NAV3: variants seen among roughly 807,000 people sequenced by gnomAD.
The protein encoded by NAV3 is neuron navigator 3.
In NAV3, 87 loss-of-function variants were observed where a neutral mutation model predicts 244.7. That is an observed-to-expected ratio of 0.36 (90% CI 0.30 to 0.42). The LOEUF (loss-of-function observed/expected upper bound fraction) is 0.42. NAV3 is among the 20% of genes least tolerant of loss of function. NAV3 has a pLI of 1.00. For missense variants in NAV3, 2,663 were observed against 2,893.3 expected, an observed-to-expected ratio of 0.92 and a Z score of 1.83; for synonymous variants, 1,126 against 1,042.2, an observed-to-expected ratio of 1.08 and a Z score of -1.55.
Position 77,831,221 on chromosome 12 carries a change from G to GAGAGAGAGAGAA in NAV3, c.-230_-229insAAGAGAGAGAGA. ...AGAGAGAGAGAGAGAGAGAGAGAAA[G>GAGAGAGAGAGAA]AGAGAGAGAGAGAGAATGAGAATGA... On this transcript the variant is annotated 5_prime_UTR_variant, in exon 1 of 40. Coordinates refer to ENST00000397909, the MANE Select transcript of NAV3 (RefSeq NM_001024383.2). The GAGAGAGAGAGAA allele has an allele frequency of 1.3e-5, 3 of 234,304 alleles. No homozygotes were observed. The highest frequency in any genetic ancestry group is 6.9e-5 in the African/African-American group (3 of 43,558). 14.5% of individuals were successfully genotyped at this position (234,304 alleles called of 1,614,324 possible).
At chr12:77,977,361 CAT>C (rs1241974799) in intron 5 of NAV3, among the ~76,000 whole-genome samples, 1 of 152,078 alleles carries the variant, frequency 6.6e-6, no homozygotes, top group Non-Finnish European at 1.5e-5. Flanking sequence ...GTGTTACTAA[CAT>C]AGTTACACTC....
At chr12:78,078,480 C>T (rs976931025) in intron 12 of NAV3, among the ~76,000 whole-genome samples, 1 of 144,028 alleles carries the variant, frequency 6.9e-6, no homozygotes, top group South Asian at 2.2e-4. Context: ...ACCGCAAGCT[C>T]CGCCTCCCGG....
At chr12:77,788,464 G>A (rs1871011676) in intron 2 of NAV3, among the ~76,000 whole-genome samples, 1 of 152,058 alleles carries the variant, frequency 6.6e-6, no homozygotes, top group African/African-American at 2.4e-5. Flanking sequence ...TAACCTCTCT[G>A]CACTCCTGTG....
At chr12:77,673,572 A>T (rs973447501) in intron 2 of NAV3, among the ~76,000 whole-genome samples, 1 of 151,936 alleles carries the variant, frequency 6.6e-6, no homozygotes, top group Admixed American at 6.6e-5. Flanking sequence ...TTTTTTGAAC[A>T]CTCCTCCAAG....
At position 78,118,130 on chromosome 12, in the gene NAV3, G is replaced by T. The variant is rs759686305; in HGVS notation, c.2873G>T (p.Gly958Val). ...EEDFDSHGDA[G>V]GKWKTVSSGL... Reference sequence around the variant, plus strand: ...GATTTTGACAGCCATGGGGATGCTGGTGGCAAGTGGAAGACTGTGTCCTCT... The same window carrying T: ...GATTTTGACAGCCATGGGGATGCTGTTGGCAAGTGGAAGACTGTGTCCTCT... The change falls in exon 14 of 40, where the codon GGT becomes GTT. Residue 958 changes from glycine to valine, a missense_variant. By Grantham distance (109) the Gly-to-Val change is moderately radical. Transcript: ENST00000397909. The T allele has an allele frequency of 2.5e-6, 4 of 1,614,056 alleles. No homozygotes were observed. The highest frequency in any genetic ancestry group is 2.5e-6 in the Non-Finnish European group (3 of 1,180,008).
intron 15 of NAV3, among the ~76,000 whole-genome samples, chr12:78,120,666 T>A (rs1164586174): frequency 6.6e-6 from 1 of 152,172 alleles, no homozygotes; most frequent in Non-Finnish European, 1.5e-5. Context: ...TCACTGTTTT[T>A]AAATACCCAT....
At chr12:78,119,983 G>T in intron 15 of NAV3, 38 bp downstream of exon 15, 7 of 1,538,652 alleles carry the variant, frequency 4.5e-6, no homozygotes, top group Non-Finnish European at 5.3e-6. Context: ...AAATATAAAG[G>T]ATAAATATGT....
intron 2 of NAV3, among the ~76,000 whole-genome samples, chr12:77,806,863 A>G (rs899026992): frequency 1.3e-5 from 2 of 152,176 alleles, no homozygotes; most frequent in African/African-American, 4.8e-5. Context: ...TATTGGATGC[A>G]TATATATTTA....
chr12:78,107,538 C>T (rs894943087), intron 12 of NAV3, among the ~76,000 whole-genome samples: 4 of 151,892 alleles, frequency 2.6e-5, no homozygotes, highest in Admixed American at 2.0e-4. Context: ...CCTTATCAGA[C>T]TGACAGCAAA....
chr12:78,183,338 A>C (rs980476279), intron 30 of NAV3, among the ~76,000 whole-genome samples: 2 of 151,970 alleles, frequency 1.3e-5, no homozygotes, highest in Non-Finnish European at 2.9e-5. Context: ...AATAAACACA[A>C]ATAATGGCTG....
chr12:77,627,809 A>G (rs1181303132), intron 2 of NAV3, among the ~76,000 whole-genome samples: 1 of 152,230 alleles, frequency 6.6e-6, no homozygotes, highest in African/African-American at 2.4e-5. Flanking sequence ...GGGATAAAGA[A>G]AATGTGGTAT....
At chr12:77,930,719 C>G (rs919693490) in intron 1 of NAV3, among the ~76,000 whole-genome samples, 1 of 152,136 alleles carries the variant, frequency 6.6e-6, no homozygotes, top group Non-Finnish European at 1.5e-5. Flanking sequence ...TGATAGCCTC[C>G]TTACAAGGGA....
chr12:77,834,347 TTAAAA>T (rs887309854), intron 1 of NAV3, among the ~76,000 whole-genome samples: 4 of 152,226 alleles, frequency 2.6e-5, no homozygotes, highest in Non-Finnish European at 5.9e-5. Flanking sequence ...GAAAAATCAG[TTAAAA>T]TAAAATATTT....
chr12:77,865,867 G>A (rs1020120170), intron 1 of NAV3, among the ~76,000 whole-genome samples: 1 of 151,464 alleles, frequency 6.6e-6, no homozygotes, highest in Non-Finnish European at 1.5e-5. Flanking sequence ...GCCATTTCCT[G>A]TTTTTCCTAA....
At chr12:77,931,797 G>A (rs1202415464) in intron 1 of NAV3, among the ~76,000 whole-genome samples, 1 of 152,138 alleles carries the variant, frequency 6.6e-6, no homozygotes, top group Non-Finnish European at 1.5e-5. Context: ...AACCCGGGAG[G>A]AGGAGCTTGC....
chr12:78,105,709 C>T (rs1246320931), intron 12 of NAV3, among the ~76,000 whole-genome samples: 1 of 151,472 alleles, frequency 6.6e-6, no homozygotes, highest in Non-Finnish European at 1.5e-5. Flanking sequence ...ATAATGTTTG[C>T]AAAATGTAAA....
At chr12:78,188,525 G>T (rs2139846643) in intron 32 of NAV3, 84 bp from the exon 33 acceptor site, 2 of 1,356,844 alleles carry the variant, frequency 1.5e-6, no homozygotes, top group Non-Finnish European at 1.0e-6. Context: ...TTGACAACTA[G>T]CTCTATATCC....
chr12:77,642,312 T>C (rs961505217), intron 2 of NAV3, among the ~76,000 whole-genome samples: 9 of 152,130 alleles, frequency 5.9e-5, no homozygotes, highest in Non-Finnish European at 1.0e-4. Context: ...CAGCTTGATA[T>C]GGCCTTGGCA....
At position 77,594,682 on chromosome 12, in the gene NAV3, GTT is replaced by G. The variant is rs970495015; in HGVS notation, c.72+22421_72+22422del. Among the ~76,000 whole-genome samples the G allele has an allele frequency of 5.3e-5, 8 of 152,224 alleles. No individual in the cohort carries two copies. The South Asian group carries it at 1.5e-3, about 28-fold the overall frequency. On this transcript the variant is annotated intron_variant, in intron 2 of 8. Coordinates refer to the NAV3 transcript ENST00000550042. ...ACATATGCACCGAAGTTAGAAGACC[GTT>G]TTTTCCCCCCAGGATCTCCTTACTG... is the stretch of plus-strand genomic sequence containing the variant.
Sources: gnomAD v4.1 joint callset for allele counts (sites outside exome capture counted in the v4.1 genomes callset) on GRCh38, gnomAD v4.1.1 for gene constraint, MANE v1.5 for transcripts, NCBI Gene and HGNC (gene_info 2026-07-23, HGNC 2026-07-21) for gene names.